Variants in GPR137C observed in about 807,000 individuals in gnomAD.
GPR137C encodes the protein G protein-coupled receptor 137C.
A neutral mutation model predicts 43.4 loss-of-function variants in GPR137C; 27 were observed. The ratio of observed to expected loss-of-function variants is 0.62; its 90% CI spans 0.46 to 0.86. GPR137C has a LOEUF of 0.86. GPR137C is among the 40% of genes least tolerant of loss of function. The pLI is 0.00. For missense variants in GPR137C, 522 were observed against 534.6 expected (o/e 0.98, Z 0.23); for synonymous variants, 285 against 226.9 (o/e 1.26, Z -2.30).
At chr14:52,607,694 G>A (rs762069668) in intron 3 of GPR137C, among the ~76,000 whole-genome samples, 1 of 151,992 alleles carries the variant, frequency 6.6e-6, no homozygotes, top group Non-Finnish European at 1.5e-5. Flanking sequence ...GGCCAACATG[G>A]CAAAACCCCG....
intron 1 of GPR137C, among the ~76,000 whole-genome samples, chr14:52,564,230 G>T (rs532415232): frequency 1.8e-4 from 24 of 135,096 alleles, no homozygotes; most frequent in Non-Finnish European, 3.2e-4. Context: ...AGCCGAGATC[G>T]CATCACTGCA....
At chr14:52,576,740 T>C (rs1240893294) in intron 1 of GPR137C, among the ~76,000 whole-genome samples, 1 of 152,192 alleles carries the variant, frequency 6.6e-6, no homozygotes, top group African/African-American at 2.4e-5. Flanking sequence ...GAATACACAT[T>C]CTTCCTACCT....
chr14:52,560,068 G>T (rs2038256957), intron 1 of GPR137C, among the ~76,000 whole-genome samples: 1 of 152,008 alleles, frequency 6.6e-6, no homozygotes, highest in South Asian at 2.1e-4. Context: ...GAGGTGGGAG[G>T]ATCACTTGAG....
intron 3 of GPR137C, among the ~76,000 whole-genome samples, chr14:52,609,197 G>T (rs183194536): frequency 1.2e-3 from 179 of 151,682 alleles, no homozygotes; most frequent in African/African-American, 4.1e-3. Context: ...TTCTGCTGTT[G>T]CTCCCTATTA....
intron 1 of GPR137C, among the ~76,000 whole-genome samples, chr14:52,563,046 A>G (rs567550067): frequency 4.6e-5 from 7 of 152,286 alleles, no homozygotes; most frequent in Admixed American, 1.3e-4. Flanking sequence ...GTTGTTGCCT[A>G]TGGCTCACAG....
rs866879088 is a variant in GPR137C, at chr14:52,612,012, T to A, written c.717+11671T>A. ...TACCCATTTGGCAGAATGTTGTTCT[T>A]TGGTAAACTTTTTTGGTTTTCTTTT... On this transcript the variant is annotated intron_variant, in intron 3 of 6. Coordinates refer to ENST00000321662, the MANE Select transcript of GPR137C (RefSeq NM_001099652.2). The A allele has an allele frequency of 5.9e-5, 58 of 985,306 alleles. No homozygotes were observed. In the African/African-American group the frequency reaches 8.0e-4, roughly 14 times the overall value. The allele number at this position is 985,306 out of a possible 1,614,324, so 61.0% of individuals were successfully genotyped here.
intron 1 of GPR137C, among the ~76,000 whole-genome samples, chr14:52,579,327 C>A (rs2038610425): frequency 6.6e-6 from 1 of 152,180 alleles, no homozygotes; most frequent in Non-Finnish European, 1.5e-5. Context: ...ACCCAGATAT[C>A]TGCCAGGATG....
chr14:52,592,791 A>G (rs1157437886), intron 1 of GPR137C, among the ~76,000 whole-genome samples: 1 of 152,142 alleles, frequency 6.6e-6, no homozygotes, highest in Non-Finnish European at 1.5e-5. Flanking sequence ...GGACAATTTG[A>G]CTTCCTCTTT....
chr14:52,617,505 C>G (rs995303248), intron 3 of GPR137C, among the ~76,000 whole-genome samples: 6 of 151,974 alleles, frequency 3.9e-5, no homozygotes, highest in African/African-American at 1.5e-4. Context: ...ATGGTGAAAC[C>G]CTGTCTCTAC....
At chr14:52,603,464 C>G (rs181813024) in intron 3 of GPR137C, among the ~76,000 whole-genome samples, 97 of 152,226 alleles carry the variant, frequency 6.4e-4, no homozygotes, top group Middle Eastern at 3.4e-3. Flanking sequence ...ATCTACCCAG[C>G]AGTGAGATTT....
intron 3 of GPR137C, among the ~76,000 whole-genome samples, chr14:52,619,131 A>C (rs2139564775): frequency 6.6e-6 from 1 of 152,314 alleles, no homozygotes; most frequent in African/African-American, 2.4e-5. Context: ...TTGGGATGGG[A>C]GACAGCATCA....
chr14:52,564,560 T>G (rs1252072443), intron 1 of GPR137C, among the ~76,000 whole-genome samples: 4 of 152,134 alleles, frequency 2.6e-5, no homozygotes, highest in Non-Finnish European at 2.9e-5. Flanking sequence ...GCACAGTGCT[T>G]CTTCAAGGAA....
intron 2 of GPR137C, among the ~76,000 whole-genome samples, chr14:52,599,462 C>T (rs1316650879): frequency 1.4e-5 from 2 of 139,332 alleles, no homozygotes; most frequent in East Asian, 4.4e-4. Flanking sequence ...TTGATACAGT[C>T]TCGCAGTCTC....
At chr14:52,616,188 A>G (rs1357998269) in intron 3 of GPR137C, among the ~76,000 whole-genome samples, 2 of 152,254 alleles carry the variant, frequency 1.3e-5, no homozygotes, top group Non-Finnish European at 2.9e-5. Context: ...TTGCATATTT[A>G]CACATCAGTA....
chr14:52,577,324 G>A (rs918130135), intron 1 of GPR137C, among the ~76,000 whole-genome samples: 2 of 151,628 alleles, frequency 1.3e-5, no homozygotes, highest in African/African-American at 2.4e-5. Flanking sequence ...CAAAACCTCT[G>A]GGATACAGCA....
At chr14:52,614,361 T>G (rs1337005396) in intron 3 of GPR137C, among the ~76,000 whole-genome samples, 1 of 152,186 alleles carries the variant, frequency 6.6e-6, no homozygotes, top group Non-Finnish European at 1.5e-5. Flanking sequence ...GCTCAAGCAA[T>G]CTGCCCACCT....
At chr14:52,572,289 A>G (rs1041702014) in intron 1 of GPR137C, among the ~76,000 whole-genome samples, 1 of 152,196 alleles carries the variant, frequency 6.6e-6, no homozygotes, top group Non-Finnish European at 1.5e-5. Flanking sequence ...GCAGAGACAC[A>G]ACAAAAAAGG....
intron 1 of GPR137C, among the ~76,000 whole-genome samples, chr14:52,566,475 A>G (rs1195717488): frequency 6.6e-6 from 1 of 152,126 alleles, no homozygotes; most frequent in Non-Finnish European, 1.5e-5. Flanking sequence ...TTCTCTCTCC[A>G]AGAGCTTTTG....
chr14:52,553,259 G>C lies in GPR137C; in HGVS notation c.112G>C (p.Gly38Arg). 1 of 1,391,478 alleles carries C rather than the reference G, an allele frequency of 7.2e-7. No individual in the cohort carries two copies. Among genetic ancestry groups the C allele is most frequent in the Non-Finnish European group, 9.4e-7 (1 of 1,069,420 alleles). The allele number at this position is 1,391,478 out of a possible 1,614,324, so 86.2% of individuals were successfully genotyped here. Residue 38 changes from glycine to arginine, a missense_variant, in exon 1 of 7, where the codon GGC (glycine) becomes CGC (arginine). Transcript: ENST00000321662. ...GGGGAVAAAS[G>R]AAVPGSVQLA... The stretch of plus-strand genomic sequence containing the variant: ...CGGAGGCGCCGTCGCTGCAGCCTCA[G>C]GCGCCGCGGTGCCGGGCTCCGTGCA...
Sources: gnomAD v4.1 joint callset for allele counts (sites outside exome capture counted in the v4.1 genomes callset) on GRCh38, gnomAD v4.1.1 for gene constraint, MANE v1.5 for transcripts, NCBI Gene and HGNC (gene_info 2026-07-23, HGNC 2026-07-21) for gene names.